COL11A1: variants seen among roughly 807,000 people sequenced by gnomAD.
COL11A1 encodes the protein collagen alpha-1(XI) chain.
A neutral mutation model predicts 265.2 loss-of-function variants in COL11A1; 74 were observed. The observed-to-expected ratio is 0.28, with a 90% CI of 0.23 to 0.34. COL11A1 has a LOEUF of 0.34. Among genes scored for constraint, COL11A1 ranks in the 10% least tolerant of loss-of-function variants. COL11A1 has a pLI of 1.00. For missense variants in COL11A1, 2,165 were observed against 2,263.6 expected, an observed-to-expected ratio of 0.96 and a Z score of 0.88; for synonymous variants, 816 against 727.6, an observed-to-expected ratio of 1.12 and a Z score of -1.96.
chr1:102,942,032 T>A (rs1419859465), intron 42 of COL11A1, among the ~76,000 whole-genome samples: 1 of 152,180 alleles, frequency 6.6e-6, no homozygotes, highest in Non-Finnish European at 1.5e-5. Context: ...GTTTCATATG[T>A]TCTTGTTTTT....
At chr1:103,099,620 T>C (rs1443605908) in intron 1 of COL11A1, among the ~76,000 whole-genome samples, 1 of 151,688 alleles carries the variant, frequency 6.6e-6, no homozygotes, top group African/African-American at 2.4e-5. Context: ...ATTTTACAGA[T>C]TGATATTATT....
At chr1:102,923,262 A>T in intron 47 of COL11A1, 74 bp downstream of exon 47, 2 of 1,191,704 alleles carry the variant, frequency 1.7e-6, no homozygotes. Context: ...ATGAAAGAAC[A>T]CATAATACTT....
intron 41 of COL11A1, among the ~76,000 whole-genome samples, chr1:102,954,822 C>T (rs1450713203): frequency 2.1e-5 from 3 of 144,862 alleles, no homozygotes; most frequent in Non-Finnish European, 3.0e-5. Context: ...CCAGACTGGG[C>T]GACAAGAGCG....
intron 29 of COL11A1, among the ~76,000 whole-genome samples, chr1:102,989,312 A>C (rs113281880): frequency 6.6e-6 from 1 of 152,012 alleles, no homozygotes; most frequent in African/African-American, 2.4e-5. Flanking sequence ...CTATGGAAAT[A>C]TAACATCTAA....
chr1:102,997,973 G>T (rs911202530), intron 25 of COL11A1, among the ~76,000 whole-genome samples: 2 of 151,840 alleles, frequency 1.3e-5, no homozygotes, highest in Non-Finnish European at 2.9e-5. Context: ...GCTTGGGAAA[G>T]GTAAGGTGAT....
chr1:103,070,498 A>T (rs1249958156), intron 4 of COL11A1, among the ~76,000 whole-genome samples: 1 of 151,890 alleles, frequency 6.6e-6, no homozygotes. Context: ...TAAAAGTCCC[A>T]GAAAAGCTAC....
chr1:103,064,623 G>A (rs1464492303), intron 4 of COL11A1, among the ~76,000 whole-genome samples: 1 of 150,834 alleles, frequency 6.6e-6, no homozygotes, highest in Non-Finnish European at 1.5e-5. Context: ...CCCGGGAGGC[G>A]GAGCTTGCAG....
chr1:103,102,217 G>T (rs2102421568), intron 1 of COL11A1, among the ~76,000 whole-genome samples: 1 of 151,948 alleles, frequency 6.6e-6, no homozygotes, highest in Admixed American at 6.6e-5. Context: ...TTCTAAAACA[G>T]AAAGTATTTT....
chr1:102,885,274 T>A (rs1385776640), intron 63 of COL11A1, among the ~76,000 whole-genome samples: 3 of 152,162 alleles, frequency 2.0e-5, no homozygotes, highest in Non-Finnish European at 4.4e-5. Flanking sequence ...CCTTTTTTTT[T>A]ATAGGGGTGT....
chr1:102,916,469 A>G (rs1047377547), intron 49 of COL11A1, among the ~76,000 whole-genome samples: 1 of 152,076 alleles, frequency 6.6e-6, no homozygotes, highest in Non-Finnish European at 1.5e-5. Context: ...AATCAGTCAC[A>G]CTAGTGGTCT....
chr1:102,978,941 A>G lies in COL11A1; in HGVS notation c.2656-28T>C, dbSNP rs1903787. 0.27 allele frequency: 432,771 copies of G among 1,613,396 alleles called. 61,716 individuals are homozygous for G. Among genetic ancestry groups the G allele is most frequent in the African/African-American group, 0.5 (37,681 of 74,924 alleles). ...GCAGATGAGAACAAAAGATGAACCC[A>G]AACTAATGCCAGACAAATCCAAAGA... On this transcript the variant is annotated intron_variant, in intron 33 of 66. Coordinates refer to ENST00000370096, the MANE Select transcript of COL11A1 (RefSeq NM_001854.4).
chr1:103,061,556 C>G (rs1292263871), intron 4 of COL11A1, among the ~76,000 whole-genome samples: 1 of 151,872 alleles, frequency 6.6e-6, no homozygotes, highest in Non-Finnish European at 1.5e-5. Flanking sequence ...TGCTCTCAAA[C>G]CGTAACAGAA....
At position 102,995,846 on chromosome 1, in the gene COL11A1, T is replaced by G. The variant is rs369219525; in HGVS notation, c.2340+18A>C. ...ATAATACACAGAAATTAATACCATC[T>G]AAACAATTAAATTTTACCTTTTCAC... On this transcript the variant is annotated intron_variant, in intron 28 of 66. Transcript: ENST00000370096. The G allele has an allele frequency of 3.2e-4, 507 of 1,590,124 alleles. 1 individual carries two copies. Among genetic ancestry groups the G allele is most frequent in the Non-Finnish European group, 4.2e-4 (487 of 1,160,336 alleles).
At chr1:103,018,923 A>G (rs1666778603) in intron 9 of COL11A1, 64 bp from the exon 10 acceptor site, 11 of 1,224,216 alleles carry the variant, frequency 9.0e-6, no homozygotes, top group Non-Finnish European at 1.2e-5. Flanking sequence ...TAATTACATG[A>G]ATATAAGAGA....
intron 28 of COL11A1, among the ~76,000 whole-genome samples, chr1:102,995,559 A>G (rs1664543505): frequency 6.6e-6 from 1 of 152,024 alleles, no homozygotes; most frequent in Non-Finnish European, 1.5e-5. Context: ...CCTGCAGCAA[A>G]TCCATTCGTA....
chr1:102,879,960 C>G (rs1017166393), intron 65 of COL11A1, 44 bp from the exon 66 acceptor site: 33 of 1,263,358 alleles, frequency 2.6e-5, no homozygotes, highest in Non-Finnish European at 3.5e-5. Context: ...CTCTTTTCCT[C>G]TTTTATGCTA....
chr1:102,942,097 C>A (rs1166597375), intron 42 of COL11A1, among the ~76,000 whole-genome samples: 1 of 152,112 alleles, frequency 6.6e-6, no homozygotes, highest in Non-Finnish European at 1.5e-5. Flanking sequence ...ACTCTGGAGA[C>A]CTTTTATCTT....
In COL11A1 at chr1:102,876,616, A is replaced by G. The variant is rs1052767136; in HGVS notation, c.*1403T>C. The G allele has an allele frequency of 1.3e-5, 2 of 152,520 alleles. No homozygotes were observed. Among genetic ancestry groups the G allele is most frequent in the African/African-American group, 2.4e-5 (1 of 41,476 alleles). 9.4% of individuals were successfully genotyped at this position (152,520 alleles called of 1,614,324 possible). A position where few individuals can be genotyped will look rare whatever the true frequency, so the allele number is the denominator to read the frequency against. On this transcript the variant is annotated 3_prime_UTR_variant, in exon 67 of 67. Transcript: ENST00000370096. ...TATTACAGGTATGTTCTTTTGTCAT[A>G]AATTATCAGTTGAAACTGTTCCAGT...
At chr1:102,904,254 C>T (rs1200145992) in intron 54 of COL11A1, among the ~76,000 whole-genome samples, 1 of 152,090 alleles carries the variant, frequency 6.6e-6, no homozygotes, top group Non-Finnish European at 1.5e-5. Context: ...AATGTTAGAC[C>T]TAAAACCATA....
Sources: allele counts gnomAD v4.1 joint callset (sites outside exome capture counted in the v4.1 genomes callset), GRCh38; gene constraint gnomAD v4.1.1; transcripts MANE v1.5; gene names NCBI Gene and HGNC (gene_info 2026-07-23, HGNC 2026-07-21).